Variants in SMARCA2 observed in about 807,000 individuals in gnomAD.
The protein encoded by SMARCA2 is SWI/SNF related BAF chromatin remodeling complex subunit ATPase 2.
Under a neutral mutation model 199.8 loss-of-function variants are expected in SMARCA2, and 61 were observed. The observed-to-expected ratio is 0.31, with a 90% CI of 0.25 to 0.38. SMARCA2 has a LOEUF of 0.38. Ranked by LOEUF, SMARCA2 falls within the 10% of genes least tolerant of loss-of-function variation. The pLI is 1.00. For missense variants in SMARCA2, 1,344 were observed against 2,012.2 expected (o/e 0.67, Z 6.35); for synonymous variants, 935 against 732.0 (o/e 1.28, Z -4.48).
At chr9:2,172,652 T>G (rs1169631018) in intron 29 of SMARCA2, among the ~76,000 whole-genome samples, 1 of 152,058 alleles carries the variant, frequency 6.6e-6, no homozygotes, top group East Asian at 1.9e-4. Context: ...TGATGTACTC[T>G]TCTAGGAGTG....
intron 1 of SMARCA2, 56 bp from the exon 2 acceptor site, chr9:2,028,931 C>G (rs954877910): frequency 4.4e-6 from 6 of 1,368,220 alleles, no homozygotes; most frequent in African/African-American, 1.5e-5. Context: ...TTGTTTTATT[C>G]TGGTCTTAAC....
At chr9:2,074,475 T>C (rs901049680) in intron 12 of SMARCA2, among the ~76,000 whole-genome samples, 3 of 152,206 alleles carry the variant, frequency 2.0e-5, no homozygotes, top group Admixed American at 6.5e-5. Context: ...CTTCTATTTG[T>C]GGACCTGTGT....
At chr9:2,172,368 G>T (rs1357520716) in intron 29 of SMARCA2, among the ~76,000 whole-genome samples, 1 of 152,020 alleles carries the variant, frequency 6.6e-6, no homozygotes, top group Non-Finnish European at 1.5e-5. Context: ...GGGCAGGAGT[G>T]GAGAGCGCTT....
rs1818428044 is a variant in SMARCA2 at position 2,017,827 on chromosome 9, G to C, written c.-37+2423G>C. ...AAGGAGCCTGCGCAGCCCTGCCGCC[G>C]GCTGTGTGCGGAGCTTTCCAGTTCT... On this transcript the variant is annotated intron_variant, in intron 1 of 33. Transcript: ENST00000349721. This position sits in a 1 kb window ranked among gnomAD's most constrained non-coding sequence, Gnocchi z 8.8. 6.6e-6 allele frequency: 1 copy of C among 152,250 alleles called. No individual in the cohort carries two copies. Among genetic ancestry groups the C allele is most frequent in the African/African-American group, 2.4e-5 (1 of 41,464 alleles). 9.4% of individuals were successfully genotyped at this position (152,250 alleles called of 1,614,324 possible).
rs112142312 is a variant in SMARCA2, at chr9:2,174,879, C to T, written c.4253+4407C>T. The stretch of plus-strand genomic sequence containing the variant: ...AGGCTACAGTGCAGTGAGCCCTGAT[C>T]GTGCTACTGCAGTCCAGCCTGGGGG... On this transcript the variant is annotated intron_variant, in intron 29 of 33. Coordinates refer to ENST00000349721, the MANE Select transcript of SMARCA2 (RefSeq NM_003070.5). 4.3e-3 allele frequency among the ~76,000 whole-genome samples: 589 copies of T among 135,590 alleles called. 2 individuals are homozygous for T. Among genetic ancestry groups the T allele is most frequent in the African/African-American group, 0.016 (555 of 34,100 alleles). 89.0% of individuals were successfully genotyped at this position (135,590 alleles called of 152,430 possible). A position where few individuals can be genotyped will look rare whatever the true frequency, so the allele number is the denominator to read the frequency against.
intron 27 of SMARCA2, among the ~76,000 whole-genome samples, chr9:2,154,444 A>C (rs764174792): frequency 6.6e-6 from 1 of 152,142 alleles, no homozygotes. Context: ...TTCCTCTCTC[A>C]TGATTGGGCT....
At chr9:2,045,515 A>C (rs2130281141) in intron 4 of SMARCA2, 1 of 152,308 alleles carries the variant, frequency 6.6e-6, no homozygotes, top group South Asian at 2.1e-4. Flanking sequence ...CTTAATATTT[A>C]CAAATTGGTT....
intron 1 of SMARCA2, chr9:2,027,673 T>C (rs934624865): frequency 6.6e-6 from 1 of 152,138 alleles, no homozygotes; most frequent in Non-Finnish European, 1.5e-5. Flanking sequence ...AGAATGTGTT[T>C]TGTGTACTGC....
At chr9:2,165,789 A>T (rs1586778629) in intron 28 of SMARCA2, among the ~76,000 whole-genome samples, 1 of 152,230 alleles carries the variant, frequency 6.6e-6, no homozygotes, top group South Asian at 2.1e-4. Context: ...GAGCTATTCC[A>T]ACTCTAGAGA....
At chr9:2,117,526 T>C (rs946204688) in intron 25 of SMARCA2, among the ~76,000 whole-genome samples, 2 of 152,240 alleles carry the variant, frequency 1.3e-5, no homozygotes, top group Non-Finnish European at 2.9e-5. Flanking sequence ...AAAAACAATA[T>C]GGCGAATGAT....
chr9:2,030,265 C>A (rs1411243440), intron 2 of SMARCA2, among the ~76,000 whole-genome samples: 3 of 152,172 alleles, frequency 2.0e-5, no homozygotes, highest in Non-Finnish European at 4.4e-5. Context: ...GTTCTATTAT[C>A]TGCAGTCACC....
chr9:2,031,140 T>C (rs1475844195), intron 2 of SMARCA2, among the ~76,000 whole-genome samples: 1 of 152,242 alleles, frequency 6.6e-6, no homozygotes, highest in East Asian at 1.9e-4. Flanking sequence ...TTGTCTCTGT[T>C]AATTACTCTG....
chr9:2,016,859 A>C lies in SMARCA2; in HGVS notation c.-37+1455A>C, dbSNP rs1301750086. ...TTCCCTTCCTCCCGTTTGCGTTGCAAAACACGGCCATGCCATCTGCAAAGG... is the reference window on the plus strand; with the variant it reads ...TTCCCTTCCTCCCGTTTGCGTTGCACAACACGGCCATGCCATCTGCAAAGG... On this transcript the variant is annotated intron_variant, in intron 1 of 33. Transcript: ENST00000349721. This position sits in a 1 kb window ranked among gnomAD's most constrained non-coding sequence, Gnocchi z 5.6. Among the ~76,000 whole-genome samples, 1 of 152,102 alleles carries C rather than the reference A, an allele frequency of 6.6e-6. No individual in the cohort carries two copies. The highest frequency in any genetic ancestry group is 1.5e-5 in the Non-Finnish European group (1 of 67,972).
chr9:2,093,820 T>C (rs372844596), intron 19 of SMARCA2, among the ~76,000 whole-genome samples: 26 of 152,336 alleles, frequency 1.7e-4, no homozygotes, highest in African/African-American at 6.3e-4. Context: ...AATAGGGCTA[T>C]AAATCAACTT....
Position 2,038,338 on chromosome 9 carries a change from C to T in SMARCA2, c.356-1128C>T, listed in dbSNP as rs148561029. 7.7e-3 allele frequency among the ~76,000 whole-genome samples: 1,167 copies of T among 152,270 alleles called. 20 individuals are homozygous for T. The highest frequency in any genetic ancestry group is 0.026 in the African/African-American group (1,095 of 41,538). On this transcript the variant is annotated intron_variant, in intron 3 of 33. Transcript: ENST00000349721. Reference sequence around the variant, plus strand: ...AAGGATTGAAGAAATAATGTATGTTCTACCCATATCTTCTTGATTCCCCTT... The same window carrying T: ...AAGGATTGAAGAAATAATGTATGTTTTACCCATATCTTCTTGATTCCCCTT...
intron 12 of SMARCA2, among the ~76,000 whole-genome samples, chr9:2,075,780 C>G (rs1470165534): frequency 6.6e-6 from 1 of 152,176 alleles, no homozygotes; most frequent in African/African-American, 2.4e-5. Context: ...GCCTCAGCCC[C>G]CCGAGTAGCT....
At chr9:2,091,315 T>A (rs954879219) in intron 19 of SMARCA2, among the ~76,000 whole-genome samples, 15 of 152,190 alleles carry the variant, frequency 9.9e-5, no homozygotes, top group Non-Finnish European at 1.5e-4. Context: ...CCGTTCTCCA[T>A]CCCTGTCTAT....
intron 27 of SMARCA2, among the ~76,000 whole-genome samples, chr9:2,130,483 A>C (rs555022920): frequency 6.6e-6 from 1 of 152,240 alleles, no homozygotes; most frequent in East Asian, 1.9e-4. Flanking sequence ...TTGTCTCTGC[A>C]TACCAACTTT....
chr9:2,170,596 C>T lies in SMARCA2; in HGVS notation c.4253+124C>T. ...TTCGGTCACCTCCTGATCACCCCTA[C>T]TTGGAGAGCGGGATAGAGGCACAGA... On this transcript the variant is annotated intron_variant, in intron 29 of 33. Coordinates refer to ENST00000349721, the MANE Select transcript of SMARCA2 (RefSeq NM_003070.5). This position sits in a 1 kb window ranked among gnomAD's most constrained non-coding sequence, Gnocchi z 4.7. The T allele has an allele frequency of 1.3e-6, 2 of 1,492,860 alleles. No homozygotes were observed. The highest frequency in any genetic ancestry group is 1.8e-6 in the Non-Finnish European group (2 of 1,087,626). The allele number at this position is 1,492,860 out of a possible 1,614,324, so 92.5% of individuals were successfully genotyped here.
Sources: allele counts gnomAD v4.1 joint callset (sites outside exome capture counted in the v4.1 genomes callset), GRCh38; gene constraint gnomAD v4.1.1; non-coding constraint Gnocchi (gnomAD v3.1); transcripts MANE v1.5; gene names NCBI Gene and HGNC (gene_info 2026-07-23, HGNC 2026-07-21).